The following UNC5A variants were observed in gnomAD, a reference collection of about 807,000 sequenced individuals.
UNC5A encodes unc-5 netrin receptor A.
UNC5A carries 20 observed loss-of-function variants against 87.4 expected under a neutral mutation model. The ratio of observed to expected loss-of-function variants is 0.23; its 90% CI spans 0.16 to 0.33. The LOEUF (loss-of-function observed/expected upper bound fraction) is 0.33. Among genes scored for constraint, UNC5A ranks in the 10% least tolerant of loss-of-function variants. The pLI, the probability that UNC5A is intolerant of heterozygous loss-of-function variation, is 1.00. For synonymous variants in UNC5A, 438 were observed against 482.3 expected (o/e 0.91, Z 1.20); for missense variants, 844 against 1,133.4 (o/e 0.74, Z 3.67).
intron 1 of UNC5A, among the ~76,000 whole-genome samples, chr5:176,822,873 G>A (rs965054657): frequency 2.0e-5 from 3 of 152,136 alleles, no homozygotes; most frequent in Non-Finnish European, 4.4e-5. Context: ...GTGCAGCCCC[G>A]CTGGAGCAGA....
At chr5:176,816,654 C>T (rs1380184719) in intron 1 of UNC5A, among the ~76,000 whole-genome samples, 2 of 152,282 alleles carry the variant, frequency 1.3e-5, no homozygotes, top group Non-Finnish European at 2.9e-5. Flanking sequence ...CCCTGCATGG[C>T]TTCAGTTTCC....
intron 1 of UNC5A, among the ~76,000 whole-genome samples, chr5:176,826,881 T>G (rs1337824206): frequency 6.6e-6 from 1 of 152,080 alleles, no homozygotes; most frequent in African/African-American, 2.4e-5. Flanking sequence ...CCTCGTGATC[T>G]GCCCGTCTCG....
At chr5:176,823,388 G>A (rs575596277) in intron 1 of UNC5A, among the ~76,000 whole-genome samples, 9 of 152,208 alleles carry the variant, frequency 5.9e-5, no homozygotes, top group South Asian at 2.1e-4. Flanking sequence ...CTCTGGTCAC[G>A]TGAAGCCAAG....
Position 176,879,641 on chromosome 5 carries a change from G to A in UNC5A, c.2364-80G>A, listed in dbSNP as rs758900117. On this transcript the variant is annotated intron_variant, in intron 14 of 14. Coordinates refer to ENST00000329542, the MANE Select transcript of UNC5A (RefSeq NM_133369.3). ...TTGTGTTTGGCTTCGGGGAGGCCCT[G>A]CCCTGGGGTGGGCCAGGGGGGGCAG... 529 of 1,576,392 alleles carry A rather than the reference G, an allele frequency of 3.4e-4. 1 individual carries two copies. Among genetic ancestry groups the A allele is most frequent in the Non-Finnish European group, 4.0e-4 (469 of 1,160,634 alleles).
Position 176,869,845 on chromosome 5 carries a change from C to T in UNC5A, c.722-525C>T. 1 of 573,884 alleles carries T rather than the reference C, an allele frequency of 1.7e-6. No homozygotes were observed. Among genetic ancestry groups the T allele is most frequent in the Non-Finnish European group, 3.1e-6 (1 of 319,806 alleles). The allele number at this position is 573,884 out of a possible 1,614,324, so 35.5% of individuals were successfully genotyped here. A position where few individuals can be genotyped will look rare whatever the true frequency, so the allele number is the denominator to read the frequency against. ...CGCCATCTCCGTGCCCTGGCTCCAT[C>T]GCGCCCACCAGCCTGCCCCCCCATG... is the stretch of plus-strand genomic sequence containing the variant. On this transcript the variant is annotated intron_variant, in intron 5 of 14. Coordinates refer to ENST00000329542, the MANE Select transcript of UNC5A (RefSeq NM_133369.3). This position sits in a 1 kb window ranked among gnomAD's most constrained non-coding sequence, Gnocchi z 9.1.
In UNC5A at chr5:176,845,943, CT is replaced by C. The variant is rs549005509; in HGVS notation, c.71-16680del. ...GAGCACCGGGAGAGCCAACAAAGGGCTGGGTGCTGCATGGTGAGTGAAAGGG... is the reference window on the plus strand; with the variant it reads ...GAGCACCGGGAGAGCCAACAAAGGGCGGGTGCTGCATGGTGAGTGAAAGGG... On this transcript the variant is annotated intron_variant, in intron 1 of 14. Transcript: ENST00000329542. 8.2e-3 allele frequency among the ~76,000 whole-genome samples: 1,253 copies of C among 152,300 alleles called. 12 individuals carry two copies. Among genetic ancestry groups the C allele is most frequent in the African/African-American group, 0.028 (1,170 of 41,560 alleles).
chr5:176,867,383 G>A (rs936915849), intron 2 of UNC5A, among the ~76,000 whole-genome samples: 1 of 152,116 alleles, frequency 6.6e-6, no homozygotes, highest in African/African-American at 2.4e-5. Context: ...CCCTAGTTAG[G>A]CAGAGCGGGT....
At position 176,865,533 on chromosome 5, in the gene UNC5A, T is replaced by C. The variant is rs1176021470; in HGVS notation, c.293-2597T>C. The C allele has an allele frequency of 2.2e-6, 1 of 454,514 alleles. No individual in the cohort carries two copies. The highest frequency in any genetic ancestry group is 1.6e-5 in the South Asian group (1 of 64,472). 28.2% of individuals were successfully genotyped at this position (454,514 alleles called of 1,614,324 possible). A position where few individuals can be genotyped will look rare whatever the true frequency, so the allele number is the denominator to read the frequency against. On this transcript the variant is annotated intron_variant, in intron 2 of 14. Coordinates refer to ENST00000329542, the MANE Select transcript of UNC5A (RefSeq NM_133369.3). This position sits in a 1 kb window ranked among gnomAD's most constrained non-coding sequence, Gnocchi z 5.3. ...CCAGGGTCCTCTTCTGCCCCGAGCA[T>C]CCGACTCCAGCCTCCCATGGCCGGA...
At chr5:176,857,152 G>A (rs1757688087) in intron 1 of UNC5A, among the ~76,000 whole-genome samples, 1 of 152,176 alleles carries the variant, frequency 6.6e-6, no homozygotes, top group African/African-American at 2.4e-5. Context: ...CTTCTCTGCT[G>A]CACTTAGTCC....
At chr5:176,861,854 G>GCTGC (rs1561660906) in intron 1 of UNC5A, among the ~76,000 whole-genome samples, 2 of 151,806 alleles carry the variant, frequency 1.3e-5, no homozygotes, top group African/African-American at 4.8e-5. Context: ...AGGGCAGCTG[G>GCTGC]GGGTTGTGGG....
chr5:176,843,794 G>A (rs902310597), intron 1 of UNC5A, among the ~76,000 whole-genome samples: 4 of 152,188 alleles, frequency 2.6e-5, no homozygotes, highest in East Asian at 1.9e-4. Context: ...CCCACTCGGC[G>A]GCTGGGCCCG....
intron 1 of UNC5A, among the ~76,000 whole-genome samples, chr5:176,861,520 G>T (rs1329714903): frequency 6.6e-6 from 1 of 152,244 alleles, no homozygotes; most frequent in African/African-American, 2.4e-5. Context: ...GAAAGGGGCA[G>T]TGGGCCAGGC....
At chr5:176,836,662 G>T (rs1321159816) in intron 1 of UNC5A, among the ~76,000 whole-genome samples, 1 of 149,958 alleles carries the variant, frequency 6.7e-6, no homozygotes, top group Non-Finnish European at 1.5e-5. Flanking sequence ...AATCAGAAAG[G>T]GCTCGGAGAA....
chr5:176,811,467 G>A (rs975137082), intron 1 of UNC5A, among the ~76,000 whole-genome samples: 1 of 152,244 alleles, frequency 6.6e-6, no homozygotes, highest in Non-Finnish European at 1.5e-5. Flanking sequence ...CCTGGTGCGG[G>A]GGGCCAGAGT....
In UNC5A at chr5:176,848,128, A is replaced by G. The variant is rs1332921478; in HGVS notation, c.71-14496A>G. Among the ~76,000 whole-genome samples, 1 of 152,064 alleles carries G rather than the reference A, an allele frequency of 6.6e-6. No individual in the cohort carries two copies. Among genetic ancestry groups the G allele is most frequent in the African/African-American group, 2.4e-5 (1 of 41,390 alleles). On this transcript the variant is annotated intron_variant, in intron 1 of 14. Coordinates refer to ENST00000329542, the MANE Select transcript of UNC5A (RefSeq NM_133369.3). This position sits in a 1 kb window ranked among gnomAD's most constrained non-coding sequence, Gnocchi z 5.8. ...CAGCCCCCACGCTGCGGCCTCCTCC[A>G]GGCTGGTTTCCTAGAGCACCCCTCC...
chr5:176,876,025 G>C (rs933845087), intron 8 of UNC5A, among the ~76,000 whole-genome samples: 1 of 152,218 alleles, frequency 6.6e-6, no homozygotes, highest in African/African-American at 2.4e-5. Context: ...TCCCCAGGCC[G>C]GGGGGTGGCT....
chr5:176,834,695 CTCTCTCTCTG>C (rs1311222973), intron 1 of UNC5A, among the ~76,000 whole-genome samples: 1 of 150,934 alleles, frequency 6.6e-6, no homozygotes, highest in African/African-American at 2.4e-5. Context: ...CTCTCTCTCT[CTCTCTCTCTG>C]TCTCTCTGTC....
chr5:176,815,515 T>C (rs1756565337), intron 1 of UNC5A, among the ~76,000 whole-genome samples: 1 of 152,234 alleles, frequency 6.6e-6, no homozygotes, highest in Non-Finnish European at 1.5e-5. Context: ...TCCACATTGA[T>C]AGAATGGGTC....
At position 176,878,601 on chromosome 5, in the gene UNC5A, G is replaced by A. The variant is rs765514327; in HGVS notation, c.2146G>A (p.Asp716Asn). The A allele has an allele frequency of 4.0e-5, 65 of 1,612,594 alleles. No individual in the cohort carries two copies. Among genetic ancestry groups the A allele is most frequent in the Middle Eastern group, 3.3e-4 (2 of 6,082 alleles). ...GCTGTGGGTGTGGCAGGTGGAGGGCGACGGGCAGAGCTTCAGCATCAACTT... is the reference window on the plus strand; with the variant it reads ...GCTGTGGGTGTGGCAGGTGGAGGGCAACGGGCAGAGCTTCAGCATCAACTT... ...CKLWVWQVEG[D>N]GQSFSINFNI... The change falls in exon 13 of 15, where the codon GAC (aspartate) becomes AAC (asparagine). Residue 716 changes from aspartate (D) to asparagine (N), a missense_variant. Around this residue, in one of 3 missense-constraint regions of UNC5A, gnomAD observed 177 missense variants for 279.4 expected, o/e 0.63. Transcript: ENST00000329542.
Sources: gnomAD v4.1 joint callset for allele counts (sites outside exome capture counted in the v4.1 genomes callset) on GRCh38, gnomAD v4.1.1 for gene constraint, gnomAD v4.1.1 regional missense constraint, Gnocchi (gnomAD v3.1) non-coding constraint, MANE v1.5 for transcripts, NCBI Gene and HGNC (gene_info 2026-07-23, HGNC 2026-07-21) for gene names.